Variants in RAPGEF4 observed in about 807,000 individuals in gnomAD.
RAPGEF4 encodes the protein RAP guanine-nucleotide-exchange factor (GEF) 4.
In RAPGEF4, 66 loss-of-function variants were observed where a neutral mutation model predicts 147.9. The observed-to-expected ratio is 0.45, with a 90% CI of 0.37 to 0.55. The LOEUF (loss-of-function observed/expected upper bound fraction) is 0.55, where lower values mean the gene tolerates loss of function less well. Ranked by LOEUF, RAPGEF4 falls within the 20% of genes least tolerant of loss-of-function variation. The pLI is 0.00. For synonymous variants in RAPGEF4, 419 were observed against 442.7 expected (o/e 0.95, Z 0.67); for missense variants, 1,071 against 1,257.3 (o/e 0.85, Z 2.24).
chr2:172,817,678 GGA>G (rs1434436636), intron 4 of RAPGEF4, among the ~76,000 whole-genome samples: 2 of 152,002 alleles, frequency 1.3e-5, no homozygotes, highest in Non-Finnish European at 2.9e-5. Context: ...AAAACAGTGT[GGA>G]GATTCCTTAA....
chr2:172,988,340 C>T, intron 13 of RAPGEF4, 68 bp downstream of exon 13: 1 of 1,528,838 alleles, frequency 6.5e-7, no homozygotes, highest in Non-Finnish European at 8.7e-7. Flanking sequence ...TAAGTATTAG[C>T]AATGTAGTGC....
At chr2:172,820,932 T>C (rs1419942186) in intron 4 of RAPGEF4, among the ~76,000 whole-genome samples, 3 of 152,194 alleles carry the variant, frequency 2.0e-5, no homozygotes, top group African/African-American at 7.2e-5. Flanking sequence ...CCCTTTTCCA[T>C]TAAAATCTTT....
intron 6 of RAPGEF4, among the ~76,000 whole-genome samples, chr2:172,925,913 GAA>G (rs1685281452): frequency 7.3e-6 from 1 of 137,270 alleles, no homozygotes; most frequent in Admixed American, 7.6e-5. Context: ...AAGAGAGAAA[GAA>G]AGAGTAAAAA....
chr2:172,995,044 A>G (rs1693194989), intron 15 of RAPGEF4, among the ~76,000 whole-genome samples: 1 of 152,056 alleles, frequency 6.6e-6, no homozygotes. Flanking sequence ...CCATTTTCAC[A>G]TGCACATATG....
chr2:172,898,157 A>T (rs1389088378), intron 4 of RAPGEF4, among the ~76,000 whole-genome samples: 2 of 152,200 alleles, frequency 1.3e-5, no homozygotes, highest in Non-Finnish European at 2.9e-5. Flanking sequence ...TGGGGGATTT[A>T]GAAGTCAAAC....
chr2:172,805,606 G>C (rs2149579217), intron 3 of RAPGEF4, among the ~76,000 whole-genome samples: 1 of 152,226 alleles, frequency 6.6e-6, no homozygotes, highest in Admixed American at 6.5e-5. Context: ...ATCCTCCTAA[G>C]GTGTCCCAAC....
chr2:172,760,472 A>T (rs1696201705), intron 1 of RAPGEF4, among the ~76,000 whole-genome samples: 1 of 152,244 alleles, frequency 6.6e-6, no homozygotes, highest in African/African-American at 2.4e-5. Flanking sequence ...TAATCCCAGC[A>T]CTTTGGGAGG....
At chr2:173,000,862 T>C (rs1693845726) in intron 16 of RAPGEF4, among the ~76,000 whole-genome samples, 1 of 151,488 alleles carries the variant, frequency 6.6e-6, no homozygotes, top group Non-Finnish European at 1.5e-5. Context: ...CTTTTGGAAA[T>C]AGGAGGTGAA....
intron 1 of RAPGEF4, among the ~76,000 whole-genome samples, chr2:172,786,552 C>T (rs192339702): frequency 1.2e-4 from 18 of 152,210 alleles, no homozygotes; most frequent in Admixed American, 1.0e-3. Flanking sequence ...TCTCTGGTGT[C>T]TACGTCTCCT....
chr2:173,006,576 A>G (rs961355215), intron 17 of RAPGEF4, among the ~76,000 whole-genome samples: 1 of 152,206 alleles, frequency 6.6e-6, no homozygotes, highest in African/African-American at 2.4e-5. Context: ...TCTGTGTTTC[A>G]TCCCTGTATA....
intron 18 of RAPGEF4, among the ~76,000 whole-genome samples, chr2:173,015,939 T>C (rs922258486): frequency 6.6e-6 from 1 of 152,168 alleles, no homozygotes. Flanking sequence ...AAGCACTCTT[T>C]TGTGGACTCC....
At chr2:172,797,484 G>A (rs919242589) in intron 2 of RAPGEF4, 41 bp from the exon 3 acceptor site, 5 of 1,530,976 alleles carry the variant, frequency 3.3e-6, no homozygotes, top group Non-Finnish European at 3.6e-6. Flanking sequence ...GTAAAACCAA[G>A]TTGTATCTGT....
chr2:172,794,353 AAAAAAAAAAAAAG>A (rs1686148471), intron 1 of RAPGEF4, among the ~76,000 whole-genome samples: 1 of 150,478 alleles, frequency 6.6e-6, no homozygotes. Context: ...ATCTCAAAAA[AAAAAAAAAAAAAG>A]AAAAAAGAAA....
chr2:173,003,810 T>C (rs1694185525), intron 17 of RAPGEF4, among the ~76,000 whole-genome samples: 1 of 152,158 alleles, frequency 6.6e-6, no homozygotes, highest in African/African-American at 2.4e-5. Context: ...CTATATTGCA[T>C]CATAAACTGC....
intron 6 of RAPGEF4, among the ~76,000 whole-genome samples, chr2:172,956,441 A>G (rs1688736860): frequency 6.6e-6 from 1 of 150,872 alleles, no homozygotes; most frequent in Non-Finnish European, 1.5e-5. Flanking sequence ...TCAATGCTAA[A>G]TGTTGTTTTA....
chr2:172,927,384 A>G (rs1161730178), intron 6 of RAPGEF4, among the ~76,000 whole-genome samples: 2 of 152,192 alleles, frequency 1.3e-5, no homozygotes, highest in Non-Finnish European at 2.9e-5. Context: ...CACCTATTAT[A>G]TGACAACATT....
intron 4 of RAPGEF4, among the ~76,000 whole-genome samples, chr2:172,883,478 A>G (rs1013314052): frequency 5.9e-5 from 9 of 152,040 alleles, no homozygotes; most frequent in South Asian, 2.1e-4. Flanking sequence ...TCCAACTCCA[A>G]TTGAACTTTG....
intron 4 of RAPGEF4, among the ~76,000 whole-genome samples, chr2:172,850,420 A>G (rs946977926): frequency 6.6e-6 from 1 of 152,078 alleles, no homozygotes; most frequent in African/African-American, 2.4e-5. Flanking sequence ...GATCAAGACC[A>G]CCCTGGCTAA....
intron 8 of RAPGEF4, 40 bp from the exon 9 acceptor site, chr2:172,965,522 G>A (rs754350778): frequency 5.0e-6 from 8 of 1,598,620 alleles, no homozygotes; most frequent in Non-Finnish European, 6.0e-6. Context: ...TATCTGAAAA[G>A]GGGTGACTTC....
Sources: allele counts gnomAD v4.1 joint callset (sites outside exome capture counted in the v4.1 genomes callset), GRCh38; gene constraint gnomAD v4.1.1; transcripts MANE v1.5; gene names NCBI Gene and HGNC (gene_info 2026-07-23, HGNC 2026-07-21).